Variants in LRRTM4 observed in about 807,000 individuals in gnomAD.
LRRTM4 encodes leucine-rich repeat transmembrane neuronal protein 4.
LRRTM4 carries 25 observed loss-of-function variants against 47.6 expected under a neutral mutation model. The observed-to-expected ratio is 0.53, with a 90% confidence interval of 0.38 to 0.73. The LOEUF (loss-of-function observed/expected upper bound fraction) is 0.73. LRRTM4 is among the 30% of genes least tolerant of loss of function. LRRTM4 has a pLI of 0.00. For synonymous variants in LRRTM4, 311 were observed against 269.5 expected (o/e 1.15, Z -1.51); for missense variants, 638 against 713.4 (o/e 0.89, Z 1.20).
At chr2:77,153,132 G>A (rs1672473346) in intron 3 of LRRTM4, among the ~76,000 whole-genome samples, 1 of 152,072 alleles carries the variant, frequency 6.6e-6, no homozygotes. Flanking sequence ...TCTGCACCAA[G>A]GTGACTAATT....
chr2:77,117,164 T>C (rs138517096), intron 3 of LRRTM4, among the ~76,000 whole-genome samples: 48 of 152,250 alleles, frequency 3.2e-4, no homozygotes, highest in Non-Finnish European at 4.0e-4. Flanking sequence ...GGTATTCTTT[T>C]GTATGGTTTA....
intron 3 of LRRTM4, among the ~76,000 whole-genome samples, chr2:76,770,373 T>C (rs1285236567): frequency 2.6e-5 from 4 of 152,204 alleles, no homozygotes; most frequent in Non-Finnish European, 5.9e-5. Context: ...GTATTGACCA[T>C]GTGGTGATTT....
chr2:76,872,664 ATCTC>A (rs1027108871), intron 3 of LRRTM4, among the ~76,000 whole-genome samples: 2 of 151,772 alleles, frequency 1.3e-5, no homozygotes, highest in African/African-American at 4.8e-5. Context: ...GATACCTTTT[ATCTC>A]TCTCTATGCT....
At chr2:76,761,410 T>C (rs1232618666) in intron 3 of LRRTM4, among the ~76,000 whole-genome samples, 1 of 152,208 alleles carries the variant, frequency 6.6e-6, no homozygotes, top group Non-Finnish European at 1.5e-5. Context: ...TTTGGTTATG[T>C]ATATATTCTA....
At chr2:77,464,358 T>C (rs570626757) in intron 3 of LRRTM4, among the ~76,000 whole-genome samples, 1 of 152,230 alleles carries the variant, frequency 6.6e-6, no homozygotes, top group South Asian at 2.1e-4. Flanking sequence ...AATAGAAAGA[T>C]AATGTGAATC....
intron 3 of LRRTM4, among the ~76,000 whole-genome samples, chr2:77,410,769 C>G (rs974536411): frequency 6.6e-6 from 1 of 152,064 alleles, no homozygotes; most frequent in Non-Finnish European, 1.5e-5. Context: ...AAATCACATC[C>G]TAAGCTCTAA....
intron 3 of LRRTM4, among the ~76,000 whole-genome samples, chr2:77,506,933 T>C (rs1233885985): frequency 2.0e-5 from 3 of 152,054 alleles, no homozygotes; most frequent in South Asian, 2.1e-4. Context: ...TGCAATCATA[T>C]ACATACAGTT....
chr2:77,229,552 G>A (rs958467481), intron 3 of LRRTM4, among the ~76,000 whole-genome samples: 3 of 151,894 alleles, frequency 2.0e-5, no homozygotes, highest in African/African-American at 7.3e-5. Flanking sequence ...GAATTACCCG[G>A]CATCCTTATT....
chr2:76,861,324 GTTT>G (rs533831636), intron 3 of LRRTM4, among the ~76,000 whole-genome samples: 1 of 151,710 alleles, frequency 6.6e-6, no homozygotes, highest in Non-Finnish European at 1.5e-5. Context: ...ATTATTTTTA[GTTT>G]TTTTTAAACT....
intron 3 of LRRTM4, among the ~76,000 whole-genome samples, chr2:77,242,564 C>T (rs968707500): frequency 2.6e-5 from 4 of 151,944 alleles, no homozygotes; most frequent in Non-Finnish European, 4.4e-5. Flanking sequence ...TGAAAAGATG[C>T]TCAACATCAC....
chr2:77,333,331 G>C (rs984707211), intron 3 of LRRTM4, among the ~76,000 whole-genome samples: 1 of 152,182 alleles, frequency 6.6e-6, no homozygotes, highest in Non-Finnish European at 1.5e-5. Context: ...AAGCTCAGAA[G>C]AAGTCAGAAA....
At chr2:76,870,001 C>T (rs1226946582) in intron 3 of LRRTM4, among the ~76,000 whole-genome samples, 2 of 152,048 alleles carry the variant, frequency 1.3e-5, no homozygotes, top group African/African-American at 4.8e-5. Flanking sequence ...GAAAGAGAGA[C>T]TTAGGGAGGC....
intron 3 of LRRTM4, among the ~76,000 whole-genome samples, chr2:76,974,326 C>A (rs746497458): frequency 6.7e-6 from 1 of 148,250 alleles, no homozygotes; most frequent in Non-Finnish European, 1.5e-5. Flanking sequence ...AGAATTTAAG[C>A]CTATTTTGGC....
At chr2:77,074,085 T>C (rs1037997978) in intron 3 of LRRTM4, among the ~76,000 whole-genome samples, 7 of 152,174 alleles carry the variant, frequency 4.6e-5, no homozygotes, top group African/African-American at 1.7e-4. Context: ...TGCATAGTGA[T>C]ATTTTATGTT....
intron 3 of LRRTM4, among the ~76,000 whole-genome samples, chr2:76,922,588 G>C (rs1391576302): frequency 6.6e-6 from 1 of 152,044 alleles, no homozygotes; most frequent in Non-Finnish European, 1.5e-5. Flanking sequence ...ATTCATAGAA[G>C]CAGAAAGTGG....
Position 77,494,659 on chromosome 2 carries a change from G to A in LRRTM4, c.1551+23659C>T, listed in dbSNP as rs568019726. 4.6e-5 allele frequency among the ~76,000 whole-genome samples: 7 copies of A among 151,928 alleles called. No individual in the cohort carries two copies. The East Asian group carries it at 1.2e-3, about 25-fold the overall frequency. On this transcript the variant is annotated intron_variant, in intron 3 of 3. Transcript: ENST00000409884. ...ATAGATTTATGGAATTATAATTGATGTAGAATATACTACGCATTTTAAACA... is the reference window on the plus strand; with the variant it reads ...ATAGATTTATGGAATTATAATTGATATAGAATATACTACGCATTTTAAACA...
At chr2:76,822,961 A>G (rs888263157) in intron 3 of LRRTM4, among the ~76,000 whole-genome samples, 5 of 151,482 alleles carry the variant, frequency 3.3e-5, no homozygotes, top group African/African-American at 1.2e-4. Context: ...AATGCGCACA[A>G]AACCTTTCTA....
chr2:76,997,706 G>C (rs1677251254), intron 3 of LRRTM4, among the ~76,000 whole-genome samples: 1 of 152,100 alleles, frequency 6.6e-6, no homozygotes, highest in African/African-American at 2.4e-5. Context: ...CCAACTCCCA[G>C]GTCACAGAGC....
chr2:77,086,649 T>C (rs1680726842), intron 3 of LRRTM4, among the ~76,000 whole-genome samples: 1 of 151,164 alleles, frequency 6.6e-6, no homozygotes, highest in Non-Finnish European at 1.5e-5. Flanking sequence ...GACTTTCGTT[T>C]GTTTGTTTAT....
Sources: gnomAD v4.1 joint callset for allele counts (sites outside exome capture counted in the v4.1 genomes callset) on GRCh38, gnomAD v4.1.1 for gene constraint, MANE v1.5 for transcripts, NCBI Gene and HGNC (gene_info 2026-07-23, HGNC 2026-07-21) for gene names.